The following CDH3 variants were observed in gnomAD, a reference collection of about 807,000 sequenced individuals.
CDH3 encodes the protein cadherin 3.
Under a neutral mutation model 82.0 loss-of-function variants are expected in CDH3, and 54 were observed. The observed-to-expected ratio is 0.66, with a 90% CI of 0.53 to 0.83. The LOEUF (loss-of-function observed/expected upper bound fraction) is 0.83. Among genes scored for constraint, CDH3 ranks in the 40% least tolerant of loss-of-function variants. The pLI is 0.00. For missense variants in CDH3, 1,054 were observed against 1,084.6 expected, an observed-to-expected ratio of 0.97 and a Z score of 0.40; for synonymous variants, 446 against 437.9, an observed-to-expected ratio of 1.02 and a Z score of -0.23.
chr16:68,715,408 CAG>C (rs1375543123), intron 1 of CDH3, among the ~76,000 whole-genome samples: 1 of 133,642 alleles, frequency 7.5e-6, no homozygotes, highest in Non-Finnish European at 1.7e-5. Context: ...GCCTGGGCGA[CAG>C]AGCACGACTC....
intron 1 of CDH3, among the ~76,000 whole-genome samples, chr16:68,709,212 A>G (rs1420209321): frequency 1.3e-5 from 2 of 152,206 alleles, no homozygotes; most frequent in East Asian, 3.9e-4. Flanking sequence ...AATAGCTGGG[A>G]CTACAGGTGT....
At chr16:68,656,887 A>G (rs1033203579) in intron 2 of CDH3, among the ~76,000 whole-genome samples, 3 of 152,150 alleles carry the variant, frequency 2.0e-5, no homozygotes, top group Non-Finnish European at 4.4e-5. Flanking sequence ...ATATGGGGGA[A>G]CAGGGAGGGT....
At chr16:68,712,037 C>CTTTTTTTT (rs58452743) in intron 1 of CDH3, among the ~76,000 whole-genome samples, 5 of 119,414 alleles carry the variant, frequency 4.2e-5, no homozygotes, top group Admixed American at 9.5e-5. Context: ...TTTTTGTTTT[C>CTTTTTTTT]TTTTTTTTTT....
chr16:68,668,779 T>C (rs1404167792), intron 2 of CDH3, among the ~76,000 whole-genome samples: 3 of 152,196 alleles, frequency 2.0e-5, no homozygotes, highest in African/African-American at 7.2e-5. Context: ...GAGAGAATTT[T>C]TCGATGGTAT....
intron 2 of CDH3, among the ~76,000 whole-genome samples, chr16:68,664,556 G>A (rs1407754201): frequency 6.6e-6 from 1 of 152,144 alleles, no homozygotes; most frequent in African/African-American, 2.4e-5. Flanking sequence ...CTATGTTTGG[G>A]AATCACTGCT....
intron 14 of CDH3, 109 bp downstream of exon 14, chr16:68,695,494 A>T (rs769316405): frequency 6.2e-6 from 7 of 1,135,250 alleles, no homozygotes; most frequent in Non-Finnish European, 8.9e-6. Flanking sequence ...AGGCCCTGGC[A>T]TGAAGCATGC....
Position 68,695,383 on chromosome 16 carries a change from C to T in CDH3, c.2131C>T (p.Gln711Ter). 6.2e-7 allele frequency: 1 copy of T among 1,609,060 alleles called. No individual in the cohort carries two copies. Among genetic ancestry groups the T allele is most frequent in the Non-Finnish European group, 8.5e-7 (1 of 1,177,838 alleles). Reference protein sequence around the residue: ...YGEEGGGEEDQDYDITQLHRG... With the variant: ...YGEEGGGEED ...CGAAGAGGGGGGTGGCGAAGAGGAC[C>T]AGGTGGGGCACTGGGGGCTCTGGGA... The change falls in exon 14 of 16, where the codon CAG becomes TAG. Residue 711 changes from glutamine to a stop codon, truncating the protein, a stop_gained and splice_region_variant. Transcript: ENST00000264012. LOFTEE classifies it high-confidence loss of function.
At position 68,679,714 on chromosome 16, in the gene CDH3, A is replaced by AAAAAG. The variant is rs869029283; in HGVS notation, c.692-75_692-71dup. 11 of 806,188 alleles carry AAAAAG rather than the reference A, an allele frequency of 1.4e-5. No individual in the cohort carries two copies. The African/African-American group carries it at 1.4e-4, about 11-fold the overall frequency. 49.9% of individuals were successfully genotyped at this position (806,188 alleles called of 1,614,324 possible). On this transcript the variant is annotated intron_variant, in intron 6 of 15. Coordinates refer to ENST00000264012, the MANE Select transcript of CDH3 (RefSeq NM_001793.6). ...CATCTCAAAAAAAAAAAAAAAAAAA[A>AAAAAG]AAAAGAAAAGAAAAAAAGAGTTCCA...
downstream of CDH3, among the ~76,000 whole-genome samples, chr16:68,731,382 A>ATATATATATAT (rs1962284996): frequency 4.0e-5 from 1 of 25,296 alleles, no homozygotes; most frequent in Non-Finnish European, 7.7e-5. Flanking sequence ...AAAAAAAAAA[A>ATATATATATAT]AAAAAAAAAA....
chr16:68,700,836 AGAGT>A (rs1411460024), downstream of CDH3, among the ~76,000 whole-genome samples: 9 of 152,312 alleles, frequency 5.9e-5, no homozygotes, highest in Admixed American at 5.9e-4. Context: ...CCCAGGCGAC[AGAGT>A]GAGACCCTAT....
downstream of CDH3, among the ~76,000 whole-genome samples, chr16:68,701,385 T>C (rs1014434256): frequency 6.6e-5 from 10 of 152,160 alleles, no homozygotes; most frequent in Admixed American, 5.2e-4. Context: ...TAAAAACATT[T>C]GCATTGGTAA....
chr16:68,728,073 A>T (rs1415501883), downstream of CDH3, among the ~76,000 whole-genome samples: 2 of 152,244 alleles, frequency 1.3e-5, no homozygotes, highest in African/African-American at 4.8e-5. Flanking sequence ...CATCCAGCAC[A>T]AAGCCTGATA....
intron 2 of CDH3, among the ~76,000 whole-genome samples, chr16:68,724,932 T>C (rs1357459901): frequency 2.0e-5 from 3 of 152,128 alleles, no homozygotes; most frequent in Non-Finnish European, 4.4e-5. Context: ...AGAGGGTTGG[T>C]TGGGGAAGGG....
rs750805163 is a variant in CDH3 at position 68,691,856 on chromosome 16, C to G, written c.1932C>G (p.Val644=). 5.6e-6 allele frequency: 9 copies of G among 1,614,080 alleles called. No homozygotes were observed. The East Asian group carries it at 8.9e-5, about 16-fold the overall frequency. The stretch of plus-strand genomic sequence containing the variant: ...CTGTGTGCGACTGCCATGGCCATGT[C>G]GAAACCTGCCCTGGACCCTGGAAGG... The part of the protein sequence containing the change: ...RATVCDCHGH[V]ETCPGPWKGG... The change falls in exon 13 of 16, where the codon GTC becomes GTG. Residue 644 remains valine, a synonymous_variant. Coordinates refer to ENST00000264012, the MANE Select transcript of CDH3 (RefSeq NM_001793.6).
chr16:68,728,069 G>T (rs1962237468), downstream of CDH3, among the ~76,000 whole-genome samples: 1 of 152,174 alleles, frequency 6.6e-6, no homozygotes, highest in African/African-American at 2.4e-5. Flanking sequence ...TTGGCATCCA[G>T]CACAAAGCCT....
At chr16:68,694,461 A>G (rs1428705249) in intron 13 of CDH3, among the ~76,000 whole-genome samples, 2 of 151,656 alleles carry the variant, frequency 1.3e-5, no homozygotes, top group East Asian at 3.9e-4. Context: ...GTCTCTACTG[A>G]AAATACAAAA....
Position 68,677,460 on chromosome 16 carries a change from G to A in CDH3, c.247-674G>A, listed in dbSNP as rs578135956. ...GACAGCATAAATCAAAAATCAGGCC[G>A]AATGCGGTGGCTCACGCGTGTAATC... On this transcript the variant is annotated intron_variant, in intron 3 of 15. Coordinates refer to ENST00000264012, the MANE Select transcript of CDH3 (RefSeq NM_001793.6). 5.9e-5 allele frequency among the ~76,000 whole-genome samples: 9 copies of A among 152,330 alleles called. No homozygotes were observed. In the South Asian group the frequency reaches 6.2e-4, roughly 11 times the overall value.
At chr16:68,718,135 G>C (rs1021428270) in intron 1 of CDH3, among the ~76,000 whole-genome samples, 15 of 151,484 alleles carry the variant, frequency 9.9e-5, no homozygotes, top group Non-Finnish European at 1.6e-4. Flanking sequence ...CAGCCTCCTG[G>C]GTAGCTAGGA....
intron 6 of CDH3, 47 bp from the exon 7 acceptor site, chr16:68,679,752 G>T: frequency 7.9e-7 from 1 of 1,268,046 alleles, no homozygotes; most frequent in Non-Finnish European, 1.2e-6. Context: ...AGTAGACAGG[G>T]CTGGAGTTGG....
Sources: gnomAD v4.1 joint callset for allele counts (sites outside exome capture counted in the v4.1 genomes callset) on GRCh38, gnomAD v4.1.1 for gene constraint, MANE v1.5 for transcripts, NCBI Gene and HGNC (gene_info 2026-07-23, HGNC 2026-07-21) for gene names.